The following CAMTA1 variants were observed in gnomAD, a reference collection of about 807,000 sequenced individuals.
CAMTA1 encodes calmodulin binding transcription activator 1.
CAMTA1 carries 27 observed loss-of-function variants against 170.9 expected under a neutral mutation model. The ratio of observed to expected loss-of-function variants is 0.16; its 90% CI spans 0.12 to 0.22. The LOEUF is 0.22. Among genes scored for constraint, CAMTA1 ranks in the 10% least tolerant of loss-of-function variants. The probability of loss-of-function intolerance (pLI) is 1.00; values close to 1 mark genes in which losing one functional copy is unlikely to be tolerated. For missense variants in CAMTA1, 1,619 were observed against 2,217.2 expected (o/e 0.73, Z 5.42); for synonymous variants, 833 against 891.5 (o/e 0.93, Z 1.17).
chr1:6,906,217 A>G (rs1051226862), intron 3 of CAMTA1, among the ~76,000 whole-genome samples: 1 of 151,938 alleles, frequency 6.6e-6, no homozygotes, highest in African/African-American at 2.4e-5. Flanking sequence ...TGGCAAGATG[A>G]GGGAGGAGGG....
chr1:7,580,694 T>A lies in CAMTA1; in HGVS notation c.511-59706T>A, dbSNP rs2095252980. 6.6e-6 allele frequency among the ~76,000 whole-genome samples: 1 copy of A among 152,144 alleles called. No individual in the cohort carries two copies. Among genetic ancestry groups the A allele is most frequent in the African/African-American group, 2.4e-5 (1 of 41,442 alleles). ...CCGAGGCTGGCTGTGCCCAGCACTG[T>A]GCAAAATCCCTCCTGTGCTGGTCTT... On this transcript the variant is annotated intron_variant, in intron 6 of 22. Transcript: ENST00000303635. The surrounding 1 kb of genome is among the most constrained non-coding windows in gnomAD (Gnocchi z 4.3).
intron 6 of CAMTA1, among the ~76,000 whole-genome samples, chr1:7,553,139 GTGAATGAA>G (rs941661586): frequency 6.6e-6 from 1 of 152,236 alleles, no homozygotes; most frequent in African/African-American, 2.4e-5. Flanking sequence ...AAATGAATGA[GTGAATGAA>G]TGAATGAGTG....
Position 7,585,701 on chromosome 1 carries a change from A to C in CAMTA1, c.511-54699A>C, listed in dbSNP as rs568604935. ...AGAATAGGTAGCCTCAAGGGGCAGGAGGGGAATGGCCAGGATGCGGGGTGC... is the reference window on the plus strand; with the variant it reads ...AGAATAGGTAGCCTCAAGGGGCAGGCGGGGAATGGCCAGGATGCGGGGTGC... On this transcript the variant is annotated intron_variant, in intron 6 of 22. Coordinates refer to ENST00000303635, the MANE Select transcript of CAMTA1 (RefSeq NM_015215.4). The surrounding 1 kb of genome is among the most constrained non-coding windows in gnomAD (Gnocchi z 4.8). Among the ~76,000 whole-genome samples the C allele has an allele frequency of 6.6e-6, 1 of 150,906 alleles. No individual in the cohort carries two copies. Among genetic ancestry groups the C allele is most frequent in the African/African-American group, 2.5e-5 (1 of 40,292 alleles).
chr1:7,242,847 A>G (rs1415882322), intron 4 of CAMTA1, among the ~76,000 whole-genome samples: 3 of 152,108 alleles, frequency 2.0e-5, no homozygotes, highest in African/African-American at 7.2e-5. Context: ...CTATAGTCCC[A>G]GCTACTTGGG....
At chr1:6,917,111 C>T (rs1490003030) in intron 3 of CAMTA1, among the ~76,000 whole-genome samples, 1 of 152,060 alleles carries the variant, frequency 6.6e-6, no homozygotes, top group Non-Finnish European at 1.5e-5. Context: ...GAGGGAGTTG[C>T]CCTATAAAGA....
chr1:7,592,412 G>A lies in CAMTA1; in HGVS notation c.511-47988G>A, dbSNP rs2095362243. ...GTCTGTTGGATCCTGGCACCTTGCAGTAGTGTTGCCCGCTTCCTAACAGGA... is the reference window on the plus strand; with the variant it reads ...GTCTGTTGGATCCTGGCACCTTGCAATAGTGTTGCCCGCTTCCTAACAGGA... On this transcript the variant is annotated intron_variant, in intron 6 of 22. Transcript: ENST00000303635. This position sits in a 1 kb window ranked among gnomAD's most constrained non-coding sequence, Gnocchi z 4.6. 6.6e-6 allele frequency among the ~76,000 whole-genome samples: 1 copy of A among 152,190 alleles called. No homozygotes were observed. Among genetic ancestry groups the A allele is most frequent in the South Asian group, 2.1e-4 (1 of 4,834 alleles).
intron 4 of CAMTA1, among the ~76,000 whole-genome samples, chr1:7,180,313 A>G (rs6693547): frequency 0.56 from 84,826 of 151,572 alleles, 23,919 homozygotes; most frequent in Non-Finnish European, 0.58. Context: ...AGCTGAGATC[A>G]CACCATTGCA....
chr1:7,754,417 G>C (rs1015677321), intron 21 of CAMTA1, among the ~76,000 whole-genome samples: 1 of 152,168 alleles, frequency 6.6e-6, no homozygotes, highest in Non-Finnish European at 1.5e-5. Context: ...ATTGCATAAA[G>C]TCCTACACTC....
At chr1:7,584,922 C>T (rs1380562440) in intron 6 of CAMTA1, among the ~76,000 whole-genome samples, 5 of 152,162 alleles carry the variant, frequency 3.3e-5, no homozygotes, top group East Asian at 1.9e-4. Flanking sequence ...CGCCAGTACT[C>T]GTGCCGAGGC....
At chr1:7,095,951 G>A (rs1245088465) in intron 4 of CAMTA1, among the ~76,000 whole-genome samples, 1 of 152,218 alleles carries the variant, frequency 6.6e-6, no homozygotes, top group South Asian at 2.1e-4. Context: ...AACACACAAA[G>A]CTCAAGATTG....
chr1:7,735,139 G>A (rs1422987702), intron 12 of CAMTA1, among the ~76,000 whole-genome samples: 1 of 151,958 alleles, frequency 6.6e-6, no homozygotes, highest in African/African-American at 2.4e-5. Flanking sequence ...CTGGATTATT[G>A]GATACTTCTA....
chr1:7,541,622 G>A (rs2094611890), intron 6 of CAMTA1, among the ~76,000 whole-genome samples: 1 of 152,214 alleles, frequency 6.6e-6, no homozygotes, highest in Non-Finnish European at 1.5e-5. Flanking sequence ...GTTTATTAAA[G>A]GGTAATGTGT....
intron 4 of CAMTA1, among the ~76,000 whole-genome samples, chr1:7,131,982 G>A (rs1010466259): frequency 6.6e-6 from 1 of 152,074 alleles, no homozygotes; most frequent in East Asian, 1.9e-4. Context: ...CTGAACCTGG[G>A]AGGGAGGTTG....
At chr1:7,008,765 T>C (rs1401584289) in intron 3 of CAMTA1, 3 of 152,250 alleles carry the variant, frequency 2.0e-5, no homozygotes, top group African/African-American at 7.2e-5. Context: ...TTTTATATTA[T>C]TGCATAAGTG....
intron 6 of CAMTA1, among the ~76,000 whole-genome samples, chr1:7,630,472 G>A (rs751526907): frequency 7.2e-5 from 11 of 152,218 alleles, no homozygotes; most frequent in Non-Finnish European, 1.0e-4. Flanking sequence ...CCGGAACCCC[G>A]CACCAGGTGG....
intron 6 of CAMTA1, among the ~76,000 whole-genome samples, chr1:7,639,472 T>A (rs537944945): frequency 1.3e-4 from 20 of 152,112 alleles, no homozygotes; most frequent in Non-Finnish European, 2.8e-4. Flanking sequence ...CCCTGGGTAT[T>A]GCTTAGATGG....
At position 7,566,894 on chromosome 1, in the gene CAMTA1, G is replaced by A. The variant is rs117638577; in HGVS notation, c.511-73506G>A. On this transcript the variant is annotated intron_variant, in intron 6 of 22. Coordinates refer to ENST00000303635, the MANE Select transcript of CAMTA1 (RefSeq NM_015215.4). The stretch of plus-strand genomic sequence containing the variant: ...CCGAGCACCCCCTCTGTGCCCACAC[G>A]GACACAGTCTTCATGGGCCAGTCTT... 2.8e-3 allele frequency among the ~76,000 whole-genome samples: 432 copies of A among 152,332 alleles called. 10 individuals carry two copies. In the East Asian group the frequency reaches 0.065, roughly 23 times the overall value.
chr1:6,817,069 A>G (rs958063571), intron 1 of CAMTA1, among the ~76,000 whole-genome samples: 3 of 152,178 alleles, frequency 2.0e-5, no homozygotes, highest in African/African-American at 7.2e-5. Flanking sequence ...TTTCTGTGTC[A>G]TATGTTATTT....
At position 6,970,029 on chromosome 1, in the gene CAMTA1, C is replaced by A. The variant is rs1409642835; in HGVS notation, c.235-121275C>A. On this transcript the variant is annotated intron_variant, in intron 3 of 22. Coordinates refer to ENST00000303635, the MANE Select transcript of CAMTA1 (RefSeq NM_015215.4). This position sits in a 1 kb window ranked among gnomAD's most constrained non-coding sequence, Gnocchi z 4.4. ...TGCAGAATTGTTCCATCTCCACAGA[C>A]ATCCTCCCACCAACCCTGTGTGGTC... is the stretch of plus-strand genomic sequence containing the variant. Among the ~76,000 whole-genome samples, 6 of 152,228 alleles carry A rather than the reference C, an allele frequency of 3.9e-5. No homozygotes were observed. Among genetic ancestry groups the A allele is most frequent in the Non-Finnish European group, 7.3e-5 (5 of 68,040 alleles).
Sources: allele counts gnomAD v4.1 joint callset (sites outside exome capture counted in the v4.1 genomes callset), GRCh38; gene constraint gnomAD v4.1.1; non-coding constraint Gnocchi (gnomAD v3.1); transcripts MANE v1.5; gene names NCBI Gene and HGNC (gene_info 2026-07-23, HGNC 2026-07-21).